The following NRG1 variants were observed in gnomAD, a reference collection of about 807,000 sequenced individuals.
NRG1 encodes the protein neuregulin 1.
Under a neutral mutation model 63.8 loss-of-function variants are expected in NRG1, and 18 were observed. The ratio of observed to expected loss-of-function variants is 0.28; its 90% confidence interval spans 0.19 to 0.42. The LOEUF (loss-of-function observed/expected upper bound fraction) is 0.42. Ranked by LOEUF, NRG1 falls within the 10% of genes least tolerant of loss-of-function variation. The pLI, the probability that NRG1 is intolerant of heterozygous loss-of-function variation, is 1.00. For synonymous variants in NRG1, 302 were observed against 301.3 expected, an observed-to-expected ratio of 1.00 and a Z score of -0.02; for missense variants, 762 against 814.7, an observed-to-expected ratio of 0.94 and a Z score of 0.79.
At chr8:32,283,611 C>T (rs931768732) in intron 1 of NRG1, among the ~76,000 whole-genome samples, 1 of 152,094 alleles carries the variant, frequency 6.6e-6, no homozygotes, top group African/African-American at 2.4e-5. Context: ...GAAAGAAGGG[C>T]CATGTCAGAT....
rs567005414 is a variant in NRG1, at chr8:32,303,107, G to A, written c.38-292721G>A. Among the ~76,000 whole-genome samples, 5 of 146,966 alleles carry A rather than the reference G, an allele frequency of 3.4e-5. No individual in the cohort carries two copies. The East Asian group carries it at 8.4e-4, about 25-fold the overall frequency. On this transcript the variant is annotated intron_variant, in intron 1 of 10. Coordinates refer to the NRG1 transcript ENST00000519301. Reference sequence around the variant, plus strand: ...TGAGGCAGGAGAATCACTTGAACCCGGGAGGCAGAACTTGCAGTGAGCCAG... The same window carrying A: ...TGAGGCAGGAGAATCACTTGAACCCAGGAGGCAGAACTTGCAGTGAGCCAG...
intron 4 of NRG1, among the ~76,000 whole-genome samples, chr8:32,616,282 G>A (rs1847350378): frequency 6.6e-6 from 1 of 151,530 alleles, no homozygotes; most frequent in South Asian, 2.1e-4. Context: ...TAATTAGCAT[G>A]GTTTGTTTGA....
intron 5 of NRG1, among the ~76,000 whole-genome samples, chr8:32,662,499 G>A (rs1803121907): frequency 6.6e-6 from 1 of 152,130 alleles, no homozygotes; most frequent in African/African-American, 2.4e-5. Context: ...GAGTGACCAT[G>A]GGACTTGATG....
exon 1 of NRG1, chr8:31,639,355 G>A: frequency 2.6e-6 from 4 of 1,533,576 alleles, no homozygotes; most frequent in Non-Finnish European, 3.5e-6. Context: ...GGACGCCCAG[G>A]AGGACCCACT....
At chr8:31,983,941 A>C (rs1158350640) in intron 1 of NRG1, among the ~76,000 whole-genome samples, 1 of 152,110 alleles carries the variant, frequency 6.6e-6, no homozygotes, top group African/African-American at 2.4e-5. Context: ...AAGGGGAAAG[A>C]GAGTAAGACA....
intron 1 of NRG1, among the ~76,000 whole-genome samples, chr8:31,808,923 G>A (rs1397453380): frequency 6.6e-6 from 1 of 151,864 alleles, no homozygotes; most frequent in Middle Eastern, 3.2e-3. Flanking sequence ...GTTTTGTTTT[G>A]TTGAATCAGT....
intron 1 of NRG1, among the ~76,000 whole-genome samples, chr8:32,233,550 TA>T (rs1563934306): frequency 7.1e-4 from 52 of 72,916 alleles, no homozygotes; most frequent in African/African-American, 2.8e-3. Context: ...TATATATATA[TA>T]TATATATATA....
intron 1 of NRG1, among the ~76,000 whole-genome samples, chr8:31,969,055 T>A (rs1158308470): frequency 6.6e-6 from 1 of 152,184 alleles, no homozygotes; most frequent in Non-Finnish European, 1.5e-5. Context: ...AAACCACCAG[T>A]GAGTTGATTG....
intron 1 of NRG1, among the ~76,000 whole-genome samples, chr8:31,793,163 A>C (rs552604757): frequency 2.0e-5 from 3 of 152,254 alleles, no homozygotes; most frequent in Admixed American, 1.3e-4. Flanking sequence ...TGTTTTTTCA[A>C]AATGTAAGGA....
At chr8:31,976,514 T>C (rs1289379249) in intron 1 of NRG1, among the ~76,000 whole-genome samples, 3 of 152,158 alleles carry the variant, frequency 2.0e-5, no homozygotes, top group Admixed American at 6.5e-5. Flanking sequence ...TATTATAATA[T>C]GACTTTTGAG....
At chr8:31,643,391 G>A (rs1023249450) in intron 1 of NRG1, among the ~76,000 whole-genome samples, 1 of 152,240 alleles carries the variant, frequency 6.6e-6, no homozygotes, top group Non-Finnish European at 1.5e-5. Flanking sequence ...TTGTTTGCTA[G>A]TGTAGAAACT....
chr8:32,034,254 A>C (rs1818701042), intron 1 of NRG1, among the ~76,000 whole-genome samples: 1 of 152,166 alleles, frequency 6.6e-6, no homozygotes, highest in Non-Finnish European at 1.5e-5. Context: ...AATTATGTTT[A>C]TTGATTTGCA....
intron 1 of NRG1, among the ~76,000 whole-genome samples, chr8:32,389,397 A>T (rs1811429155): frequency 6.6e-6 from 1 of 152,178 alleles, no homozygotes; most frequent in African/African-American, 2.4e-5. Flanking sequence ...GGTCTTGTAG[A>T]ATTTATAGCA....
chr8:32,246,544 G>A (rs1848604549), intron 1 of NRG1, among the ~76,000 whole-genome samples: 1 of 152,126 alleles, frequency 6.6e-6, no homozygotes, highest in Non-Finnish European at 1.5e-5. Context: ...CCTTTGTTAA[G>A]ACAAAGCACT....
chr8:31,726,292 T>C (rs1308918505), intron 1 of NRG1, among the ~76,000 whole-genome samples: 2 of 152,140 alleles, frequency 1.3e-5, no homozygotes, highest in Admixed American at 6.6e-5. Flanking sequence ...AAGGAAACAA[T>C]TTCCTGAGAA....
chr8:32,157,682 G>C (rs1487564412), intron 1 of NRG1, among the ~76,000 whole-genome samples: 2 of 148,620 alleles, frequency 1.3e-5, no homozygotes, highest in Non-Finnish European at 3.0e-5. Flanking sequence ...TTAAATATAT[G>C]TTTATAAATA....
intron 1 of NRG1, among the ~76,000 whole-genome samples, chr8:31,714,244 C>T (rs1196762471): frequency 6.6e-6 from 1 of 151,932 alleles, no homozygotes. Flanking sequence ...TAATACCCAG[C>T]AAGTGGAAGG....
intron 5 of NRG1, among the ~76,000 whole-genome samples, chr8:32,672,920 GTTTTTTTCATTT>G (rs1269680595): frequency 1.3e-5 from 2 of 152,100 alleles, no homozygotes; most frequent in African/African-American, 4.8e-5. Context: ...AAAGAACTCT[GTTTTTTTCATTT>G]TTTATAAGCC....
At chr8:31,854,560 C>G (rs1827636825) in intron 1 of NRG1, among the ~76,000 whole-genome samples, 1 of 151,870 alleles carries the variant, frequency 6.6e-6, no homozygotes, top group Non-Finnish European at 1.5e-5. Flanking sequence ...TTCAAAAAAC[C>G]AGCTCCTGGA....
Sources: allele counts gnomAD v4.1 joint callset (sites outside exome capture counted in the v4.1 genomes callset), GRCh38; gene constraint gnomAD v4.1.1; transcripts MANE v1.5; gene names NCBI Gene and HGNC (gene_info 2026-07-23, HGNC 2026-07-21).